Variants in OR2C1 observed in about 807,000 individuals in gnomAD.
The protein encoded by OR2C1 is olfactory receptor family 2 subfamily C member 1, also known as olfactory receptor 2C1.
For missense variants in OR2C1, 468 were observed against 388.3 expected (o/e 1.21, Z -1.73); for synonymous variants, 209 against 167.3 (o/e 1.25, Z -1.92).
At chr16:3,347,039 G>A in the OR2C1 span, among the ~76,000 whole-genome samples, 3 of 150,468 alleles carry the variant, frequency 2.0e-5, no homozygotes, top group African/African-American at 7.3e-5. Flanking sequence ...GAGGCCAGGA[G>A]TTCAAGACCA....
the OR2C1 span, among the ~76,000 whole-genome samples, chr16:3,344,128 C>T: frequency 6.6e-6 from 1 of 151,058 alleles, no homozygotes; most frequent in Non-Finnish European, 1.5e-5. Flanking sequence ...GGCCGAGGCA[C>T]GAGAATCACT....
the OR2C1 span, among the ~76,000 whole-genome samples, chr16:3,336,712 C>T: frequency 0.74 from 70,948 of 95,802 alleles, 26,254 homozygotes; most frequent in South Asian, 0.79. Context: ...TTCTTTCTTT[C>T]TTTTTTTTTT....
At chr16:3,335,771 C>G in the OR2C1 span, among the ~76,000 whole-genome samples, 1 of 152,116 alleles carries the variant, frequency 6.6e-6, no homozygotes, top group African/African-American at 2.4e-5. Flanking sequence ...GATTTTGTAT[C>G]TACCAACTTT....
At chr16:3,337,847 A>T in the OR2C1 span, among the ~76,000 whole-genome samples, 1 of 151,976 alleles carries the variant, frequency 6.6e-6, no homozygotes, top group Admixed American at 6.6e-5. Context: ...CTAGTTATTT[A>T]TTCTGGTCTT....
At chr16:3,335,385 A>G in the OR2C1 span, among the ~76,000 whole-genome samples, 2 of 152,008 alleles carry the variant, frequency 1.3e-5, no homozygotes, top group South Asian at 2.1e-4. Context: ...TTATCTTTGT[A>G]TAATCTTTTA....
the OR2C1 span, among the ~76,000 whole-genome samples, chr16:3,327,619 G>A: frequency 2.0e-4 from 31 of 151,286 alleles, no homozygotes; most frequent in African/African-American, 7.5e-4. Flanking sequence ...AGATGCCCGT[G>A]ATGATCCCTG....
In OR2C1 at chr16:3,356,522, C is replaced by G. The variant is rs2030680173; in HGVS notation, c.582C>G (p.Leu194=). The G allele has an allele frequency of 1.2e-6, 2 of 1,614,016 alleles. No homozygotes were observed. Among genetic ancestry groups the G allele is most frequent in the South Asian group, 1.1e-5 (1 of 91,090 alleles). Residue 194 remains leucine, a synonymous_variant, in exon 1 of 1, where the codon CTC becomes CTG. Coordinates refer to ENST00000304936, the MANE Select transcript of OR2C1 (RefSeq NM_012368.3). ...MIKLACGDTS[L]NQAVLNGVCT... is the part of the protein sequence containing the mutation. ...AACTGGCCTGTGGCGACACAAGTCT[C>G]AACCAGGCTGTGCTCAATGGTGTCT...
the OR2C1 span, among the ~76,000 whole-genome samples, chr16:3,343,564 C>T: frequency 6.6e-6 from 1 of 152,074 alleles, no homozygotes; most frequent in Admixed American, 6.6e-5. Flanking sequence ...ACAGCCTGGC[C>T]AATGTGGTGA....
the OR2C1 span, among the ~76,000 whole-genome samples, chr16:3,338,121 G>A: frequency 2.6e-5 from 4 of 152,162 alleles, no homozygotes; most frequent in Non-Finnish European, 5.9e-5. Context: ...GCTAAGGTTT[G>A]GGTCCAGAGC....
the OR2C1 span, among the ~76,000 whole-genome samples, chr16:3,340,144 T>A: frequency 6.6e-6 from 1 of 152,004 alleles, no homozygotes; most frequent in Non-Finnish European, 1.5e-5. Flanking sequence ...CCAGGCATGG[T>A]GGCAGGCACC....
chr16:3,341,681 A>T, the OR2C1 span, among the ~76,000 whole-genome samples: 2 of 152,230 alleles, frequency 1.3e-5, no homozygotes, highest in Admixed American at 1.3e-4. Context: ...AGAGGTATAT[A>T]GGGTAAGGTC....
At chr16:3,352,674 C>T (rs2030590404), upstream of OR2C1, among the ~76,000 whole-genome samples, 1 of 151,776 alleles carries the variant, frequency 6.6e-6, no homozygotes, top group Admixed American at 6.6e-5. Context: ...CTAATACCAG[C>T]CCCCCACAGA....
At chr16:3,331,209 CCTT>C in the OR2C1 span, among the ~76,000 whole-genome samples, 1 of 152,066 alleles carries the variant, frequency 6.6e-6, no homozygotes, top group Admixed American at 6.6e-5. Context: ...CTGTTTATGT[CCTT>C]CGCCCACTTT....
At chr16:3,337,604 C>T in the OR2C1 span, among the ~76,000 whole-genome samples, 3 of 151,998 alleles carry the variant, frequency 2.0e-5, no homozygotes, top group African/African-American at 7.2e-5. Context: ...TTTTAAATTA[C>T]CTCAGTCTTT....
At chr16:3,350,392 G>GT in the OR2C1 span, among the ~76,000 whole-genome samples, 2 of 148,152 alleles carry the variant, frequency 1.3e-5, no homozygotes, top group Non-Finnish European at 3.0e-5. Flanking sequence ...TGGTTGGTTG[G>GT]TTTTTTTGTT....
At chr16:3,326,004 C>G in the OR2C1 span, among the ~76,000 whole-genome samples, 3 of 149,080 alleles carry the variant, frequency 2.0e-5, no homozygotes, top group Non-Finnish European at 4.4e-5. Context: ...GATCTCGGCT[C>G]AATGCAAGCT....
chr16:3,342,877 AC>A, the OR2C1 span, among the ~76,000 whole-genome samples: 1 of 152,172 alleles, frequency 6.6e-6, no homozygotes, highest in African/African-American at 2.4e-5. Context: ...GTCTCAAAAA[AC>A]AAAAACGAAA....
the OR2C1 span, among the ~76,000 whole-genome samples, chr16:3,337,597 T>A: frequency 1.4e-4 from 21 of 152,318 alleles, no homozygotes; most frequent in South Asian, 2.3e-3. Context: ...TGATTTTTTT[T>A]AAATTACCTC....
In OR2C1 at chr16:3,357,121, G is replaced by A. The variant is rs752737809; in HGVS notation, c.*242G>A. On this transcript the variant is annotated 3_prime_UTR_variant, in exon 1 of 1. Coordinates refer to ENST00000304936, the MANE Select transcript of OR2C1 (RefSeq NM_012368.3). Reference sequence around the variant, plus strand: ...TAGCAGGGGAGACATGTTGTTGAGGGCTCAGAGGTTATTGACCTGTGACAG... The same window carrying A: ...TAGCAGGGGAGACATGTTGTTGAGGACTCAGAGGTTATTGACCTGTGACAG... 2.1e-6 allele frequency: 1 copy of A among 468,172 alleles called. No homozygotes were observed. Among genetic ancestry groups the A allele is most frequent in the Non-Finnish European group, 3.9e-6 (1 of 253,500 alleles). 29.0% of individuals were successfully genotyped at this position (468,172 alleles called of 1,614,324 possible). A position where few individuals can be genotyped will look rare whatever the true frequency, so the allele number is the denominator to read the frequency against.
Sources: allele counts gnomAD v4.1 joint callset (sites outside exome capture counted in the v4.1 genomes callset), GRCh38; gene constraint gnomAD v4.1.1; transcripts MANE v1.5; gene names NCBI Gene and HGNC (gene_info 2026-07-23, HGNC 2026-07-21).